Variants in UACA observed in about 807,000 individuals in gnomAD.
UACA encodes nuclear membrane binding protein.
UACA carries 112 observed loss-of-function variants against 160.5 expected under a neutral mutation model. The observed-to-expected ratio is 0.70, with a 90% CI of 0.60 to 0.82. The LOEUF is 0.82. Ranked by LOEUF, UACA falls within the 40% of genes least tolerant of loss-of-function variation. UACA has a pLI of 0.00. For missense variants in UACA, 1,574 were observed against 1,614.6 expected, an observed-to-expected ratio of 0.97 and a Z score of 0.43; for synonymous variants, 557 against 568.4, an observed-to-expected ratio of 0.98 and a Z score of 0.29.
intron 17 of UACA, 87 bp from the exon 18 acceptor site, chr15:70,660,303 C>CTAT (rs1896661386): frequency 5.4e-6 from 6 of 1,112,688 alleles, no homozygotes; most frequent in Non-Finnish European, 8.1e-6. Context: ...TGCTACAAAA[C>CTAT]TATTATTATT....
intron 1 of UACA, among the ~76,000 whole-genome samples, chr15:70,759,586 C>T (rs1240831281): frequency 6.6e-6 from 1 of 152,060 alleles, no homozygotes; most frequent in African/African-American, 2.4e-5. Flanking sequence ...ACCTGGGAGG[C>T]GGAGGTTGCA....
rs147197796 is a variant in UACA at position 70,727,595 on chromosome 15, A to G, written c.79-27935T>C. Among the ~76,000 whole-genome samples the G allele has an allele frequency of 6.0e-4, 92 of 152,348 alleles. No homozygotes were observed. The East Asian group carries it at 0.017, about 28-fold the overall frequency. ...TATATAAAATGCCTCATCATTGTAGAAATATTTCAATTCCTATTAAACTTT... is the reference window on the plus strand; with the variant it reads ...TATATAAAATGCCTCATCATTGTAGGAATATTTCAATTCCTATTAAACTTT... On this transcript the variant is annotated intron_variant, in intron 1 of 18. Transcript: ENST00000322954.
At chr15:70,679,471 C>T (rs1897413069) in intron 10 of UACA, 137 bp downstream of exon 10, 1 of 440,084 alleles carries the variant, frequency 2.3e-6, no homozygotes, top group African/African-American at 2.1e-5. Context: ...AAGAGAATCA[C>T]AAACAATTTT....
Position 70,751,213 on chromosome 15 carries a change from C to CT in UACA, c.78+12116dup, listed in dbSNP as rs1349312802. Reference sequence around the variant, plus strand: ...AGCTCCCCCACAAAACTATGAGCCTCTTCTTATCTTCCTCATCCTCTCACC... The same window carrying CT: ...AGCTCCCCCACAAAACTATGAGCCTCTTTCTTATCTTCCTCATCCTCTCACC... On this transcript the variant is annotated intron_variant, in intron 1 of 18. Transcript: ENST00000322954. 3.3e-5 allele frequency among the ~76,000 whole-genome samples: 5 copies of CT among 152,114 alleles called. No homozygotes were observed. The South Asian group carries it at 8.3e-4, about 25-fold the overall frequency.
intron 1 of UACA, among the ~76,000 whole-genome samples, chr15:70,712,138 G>C (rs995415486): frequency 2.0e-5 from 3 of 150,508 alleles, no homozygotes; most frequent in Non-Finnish European, 4.4e-5. Context: ...CCAAAAACAT[G>C]CTCTTCCTCC....
chr15:70,687,692 C>T, intron 6 of UACA, 46 bp from the exon 7 acceptor site: 1 of 1,612,952 alleles, frequency 6.2e-7, no homozygotes, highest in African/African-American at 1.3e-5. Flanking sequence ...ACAGATCTCC[C>T]AAAATGTAGA....
rs543546409 is a variant in UACA, at chr15:70,674,550, T to C, written c.1131+1943A>G. On this transcript the variant is annotated intron_variant, in intron 13 of 18. Coordinates refer to ENST00000322954, the MANE Select transcript of UACA (RefSeq NM_018003.4). ...TTACTTTTATGACTATTGTAAGTTA[T>C]AGACTTGACATTTTAGACAAATTGT... is the stretch of plus-strand genomic sequence containing the variant. Among the ~76,000 whole-genome samples, 76 of 152,144 alleles carry C rather than the reference T, an allele frequency of 5.0e-4. 1 individual carries two copies. The highest frequency in any genetic ancestry group is 1.7e-3 in the African/African-American group (71 of 41,568).
In UACA at chr15:70,667,079, G is replaced by A; in HGVS notation, c.3605C>T (p.Ser1202Phe). The change falls in exon 16 of 19, where the codon TCC becomes TTC. Residue 1202 changes from serine (S) to phenylalanine (F), a missense_variant. Transcript: ENST00000322954. ...ATTCTGAACCTCCGACTGAAGTTTG[G>A]AGACTTCTTCCATTTTGTTTTGGCT... Reference protein sequence around the residue: ...EESQNKMEEVSKLQSEVQNTK... With the variant: ...EESQNKMEEVFKLQSEVQNTK... 6.2e-7 allele frequency: 1 copy of A among 1,613,224 alleles called. No individual in the cohort carries two copies. Among genetic ancestry groups the A allele is most frequent in the Non-Finnish European group, 8.5e-7 (1 of 1,179,870 alleles).
Position 70,684,379 on chromosome 15 carries a change from C to T in UACA, c.670G>A (p.Ala224Thr), listed in dbSNP as rs536787451. 9 of 1,613,794 alleles carry T rather than the reference C, an allele frequency of 5.6e-6. No homozygotes were observed. The South Asian group carries it at 9.9e-5, about 18-fold the overall frequency. ...DAVEVLIKNG[A>T]DISLLDALGH... ...AGCGCATCCAGCAAGCTTATATCAG[C>T]ACCATTTTTAATTAAGACTTCTACT... The change falls in exon 8 of 19, where the codon GCT becomes ACT. Residue 224 changes from alanine (A) to threonine (T), a missense_variant. Coordinates refer to ENST00000322954, the MANE Select transcript of UACA (RefSeq NM_018003.4).
At chr15:70,765,772 T>C (rs1350580377), upstream of UACA, among the ~76,000 whole-genome samples, 1 of 152,238 alleles carries the variant, frequency 6.6e-6, no homozygotes, top group East Asian at 1.9e-4. Context: ...GATGGAATGA[T>C]CTGAGGCTAT....
chr15:70,671,133 A>G, intron 14 of UACA, 42 bp from the exon 15 acceptor site: 3 of 1,334,290 alleles, frequency 2.2e-6, no homozygotes, highest in Non-Finnish European at 3.2e-6. Context: ...TTCAATATCC[A>G]TACTAAAGTA....
intron 1 of UACA, chr15:70,703,077 C>T: frequency 7.8e-7 from 1 of 1,284,166 alleles, no homozygotes; most frequent in Non-Finnish European, 1.0e-6. Flanking sequence ...CATTTGGGGA[C>T]AAAGCAGATA....
chr15:70,746,375 T>C (rs909666934), intron 1 of UACA, among the ~76,000 whole-genome samples: 1 of 151,504 alleles, frequency 6.6e-6, no homozygotes, highest in African/African-American at 2.4e-5. Context: ...CCAACAAACA[T>C]CTGAAAAAAA....
At chr15:70,749,113 T>C (rs1899799920) in intron 1 of UACA, 1 of 349,604 alleles carries the variant, frequency 2.9e-6, no homozygotes, top group Non-Finnish European at 5.8e-6. Flanking sequence ...ATTATACATA[T>C]ATAGAGTGAA....
intron 1 of UACA, among the ~76,000 whole-genome samples, chr15:70,750,659 A>AGGC (rs1363898289): frequency 6.6e-6 from 1 of 152,168 alleles, no homozygotes; most frequent in African/African-American, 2.4e-5. Context: ...TTGAGCCCTC[A>AGGC]GGCGTTCGAG....
Position 70,729,298 on chromosome 15 carries a change from G to A in UACA, c.79-29638C>T, listed in dbSNP as rs373489818. On this transcript the variant is annotated intron_variant, in intron 1 of 18. Transcript: ENST00000322954. ...ATGGAAGCAACTTAGGTCCCATCAA[G>A]AGTGGACTGGAAAAAGAAAATGTGG... Among the ~76,000 whole-genome samples, 5 of 152,256 alleles carry A rather than the reference G, an allele frequency of 3.3e-5. No homozygotes were observed. In the East Asian group the frequency reaches 7.7e-4, roughly 24 times the overall value.
chr15:70,662,081 G>A (rs1896726161), intron 17 of UACA, among the ~76,000 whole-genome samples: 1 of 152,204 alleles, frequency 6.6e-6, no homozygotes, highest in Non-Finnish European at 1.5e-5. Flanking sequence ...GTCCCTGTTT[G>A]CAGATGACAT....
At chr15:70,722,203 A>C (rs1899013752) in intron 1 of UACA, among the ~76,000 whole-genome samples, 1 of 152,258 alleles carries the variant, frequency 6.6e-6, no homozygotes, top group African/African-American at 2.4e-5. Flanking sequence ...ATTTACTATA[A>C]ATGTCATTTT....
At chr15:70,766,168 A>AGCTGATGTCTGCTTATTCCC, upstream of UACA, among the ~76,000 whole-genome samples, 1 of 152,352 alleles carries the variant, frequency 6.6e-6, no homozygotes, top group East Asian at 1.9e-4. Context: ...GAAACTTGAT[A>AGCTGATGTCTGCTTATTCCC]GCTGATGTCT....
Sources: allele counts gnomAD v4.1 joint callset (sites outside exome capture counted in the v4.1 genomes callset), GRCh38; gene constraint gnomAD v4.1.1; transcripts MANE v1.5; gene names NCBI Gene and HGNC (gene_info 2026-07-23, HGNC 2026-07-21).